The following RSF1 variants were observed in gnomAD, a reference collection of about 807,000 sequenced individuals.
RSF1 encodes the protein remodeling and spacing factor 1.
RSF1 carries 13 observed loss-of-function variants against 145.2 expected under a neutral mutation model. The observed-to-expected ratio is 0.09, with a 90% CI of 0.06 to 0.14. The LOEUF (loss-of-function observed/expected upper bound fraction) is 0.14. Among genes scored for constraint, RSF1 ranks in the 10% least tolerant of loss-of-function variants. The probability of loss-of-function intolerance (pLI) is 1.00; values close to 1 mark genes in which losing one functional copy is unlikely to be tolerated. For synonymous variants in RSF1, 577 were observed against 592.6 expected, an observed-to-expected ratio of 0.97 and a Z score of 0.38; for missense variants, 1,517 against 1,718.2, an observed-to-expected ratio of 0.88 and a Z score of 2.07.
At chr11:77,766,604 G>A (rs1462255658) in intron 1 of RSF1, among the ~76,000 whole-genome samples, 1 of 152,082 alleles carries the variant, frequency 6.6e-6, no homozygotes, top group East Asian at 1.9e-4. Flanking sequence ...GAGAAAAGGA[G>A]GGAAAGGGCA....
At chr11:77,766,430 T>G (rs762880102) in intron 1 of RSF1, among the ~76,000 whole-genome samples, 24 of 152,194 alleles carry the variant, frequency 1.6e-4, no homozygotes, top group Non-Finnish European at 3.4e-4. Context: ...GGTCAAATAC[T>G]AGTAAGAAAG....
chr11:77,692,686 T>G (rs797009156), intron 8 of RSF1, among the ~76,000 whole-genome samples: 24,880 of 150,170 alleles, frequency 0.17, 2,514 homozygotes, highest in African/African-American at 0.26. Context: ...GCGGTGTTTT[T>G]TTTTTTTTTT....
At chr11:77,821,070 G>A (rs2136002804), upstream of RSF1, 1 of 480,134 alleles carries the variant, frequency 2.1e-6, no homozygotes, top group Non-Finnish European at 3.7e-6. Flanking sequence ...GACTTCTCGA[G>A]AACAATGGCC....
intron 1 of RSF1, among the ~76,000 whole-genome samples, chr11:77,812,551 T>A (rs1948741403): frequency 6.6e-6 from 1 of 152,128 alleles, no homozygotes; most frequent in Non-Finnish European, 1.5e-5. Flanking sequence ...TGAAGCCTGG[T>A]CTGTCTGCTG....
At chr11:77,756,369 A>AG (rs1408162641) in intron 2 of RSF1, among the ~76,000 whole-genome samples, 89 of 152,186 alleles carry the variant, frequency 5.8e-4, no homozygotes, top group African/African-American at 1.9e-3. Flanking sequence ...AAAAAAAAAA[A>AG]AAAAAAAGAA....
At chr11:77,746,171 C>G (rs888976161) in intron 3 of RSF1, among the ~76,000 whole-genome samples, 1 of 152,070 alleles carries the variant, frequency 6.6e-6, no homozygotes, top group East Asian at 1.9e-4. Flanking sequence ...CAAGGAATCA[C>G]AATTACCCCC....
chr11:77,824,512 A>T (rs1949078696), upstream of RSF1, among the ~76,000 whole-genome samples: 1 of 152,248 alleles, frequency 6.6e-6, no homozygotes, highest in South Asian at 2.1e-4. Flanking sequence ...ATATTCATCA[A>T]CAGAAAAATA....
intron 3 of RSF1, among the ~76,000 whole-genome samples, chr11:77,746,268 G>A (rs970493875): frequency 6.6e-6 from 1 of 152,082 alleles, no homozygotes; most frequent in Non-Finnish European, 1.5e-5. Context: ...TTGGTTTTCT[G>A]AGACAGGTAT....
chr11:77,807,500 G>A (rs1429516134), intron 1 of RSF1, among the ~76,000 whole-genome samples: 1 of 152,122 alleles, frequency 6.6e-6, no homozygotes, highest in African/African-American at 2.4e-5. Flanking sequence ...GACACAAGGA[G>A]GTTAAAAGGA....
At chr11:77,818,310 C>T (rs1948801255) in intron 1 of RSF1, among the ~76,000 whole-genome samples, 1 of 152,104 alleles carries the variant, frequency 6.6e-6, no homozygotes, top group African/African-American at 2.4e-5. Context: ...AAATACCACG[C>T]CATCCCAGAA....
At chr11:77,729,641 C>G (rs183254003) in intron 4 of RSF1, among the ~76,000 whole-genome samples, 2 of 151,220 alleles carry the variant, frequency 1.3e-5, no homozygotes, top group Non-Finnish European at 2.9e-5. Flanking sequence ...CAAGTATGAG[C>G]CAAGTATCTG....
rs77126870 is a variant in RSF1, at chr11:77,701,095, G to A, written c.2134C>T (p.Pro712Ser). ...QKSKFKYKLV[P>S]EEETTASENT... ...TCTGAGGCAGTGGTTTCTTCTTCAG[G>A]AACCAACTTATATTTGAATTTGCTT... Residue 712 changes from proline to serine, a missense_variant, in exon 6 of 16, where the codon CCT becomes TCT. By Grantham distance (74) the Pro-to-Ser change is moderately conservative. This residue lies in a region of RSF1 where 579 missense variants were observed against 553.5 expected (regional missense o/e 1.05). Transcript: ENST00000308488. 1.7e-3 allele frequency: 2,813 copies of A among 1,613,362 alleles called. 5 individuals are homozygous for A. The highest frequency in any genetic ancestry group is 2.1e-3 in the Admixed American group (127 of 59,848).
At chr11:77,774,066 C>A (rs1948315162) in intron 1 of RSF1, among the ~76,000 whole-genome samples, 1 of 152,174 alleles carries the variant, frequency 6.6e-6, no homozygotes. Context: ...CTTTAAGTCT[C>A]AATTCCTAAT....
chr11:77,848,619 C>T, the RSF1 span, among the ~76,000 whole-genome samples: 1 of 152,162 alleles, frequency 6.6e-6, no homozygotes, highest in Admixed American at 6.5e-5. Flanking sequence ...TTTGACCTCC[C>T]AAAGTGCTGG....
In RSF1 at chr11:77,663,101, T is replaced by C. The variant is rs1263222630; in HGVS notation, c.*3816A>G. On this transcript the variant is annotated 3_prime_UTR_variant, in exon 16 of 16. Coordinates refer to ENST00000308488, the MANE Select transcript of RSF1 (RefSeq NM_016578.4). ...GTTCTATAGCTGTGAGGCATCACCT[T>C]GAATAACGGGCCTGTTCCACTGTAC... 1 of 152,186 alleles carries C rather than the reference T, an allele frequency of 6.6e-6. No homozygotes were observed. The highest frequency in any genetic ancestry group is 1.5e-5 in the Non-Finnish European group (1 of 68,010). 9.4% of individuals were successfully genotyped at this position (152,186 alleles called of 1,614,324 possible).
At chr11:77,821,000 CAG>C (rs1407480909), upstream of RSF1, 6 of 480,394 alleles carry the variant, frequency 1.2e-5, no homozygotes, top group African/African-American at 2.0e-5. Flanking sequence ...CCTCGTGTGA[CAG>C]GGGGAATGAA....
the RSF1 span, among the ~76,000 whole-genome samples, chr11:77,851,908 G>A: frequency 4.6e-5 from 7 of 152,046 alleles, no homozygotes; most frequent in South Asian, 2.1e-4. Context: ...TCTTGAATTT[G>A]AATATTTTCA....
chr11:77,679,202 A>G (rs1409181574), intron 11 of RSF1, among the ~76,000 whole-genome samples: 3 of 152,062 alleles, frequency 2.0e-5, no homozygotes, highest in Non-Finnish European at 4.4e-5. Context: ...ACAGGATATC[A>G]TTTTTCTTTT....
intron 1 of RSF1, among the ~76,000 whole-genome samples, chr11:77,775,236 G>A (rs1314667801): frequency 3.3e-5 from 5 of 149,558 alleles, no homozygotes; most frequent in East Asian, 2.0e-4. Context: ...GGACAACAGC[G>A]AGACTCCATC....
Sources: gnomAD v4.1 joint callset for allele counts (sites outside exome capture counted in the v4.1 genomes callset) on GRCh38, gnomAD v4.1.1 for gene constraint, gnomAD v4.1.1 regional missense constraint, MANE v1.5 for transcripts, NCBI Gene and HGNC (gene_info 2026-07-23, HGNC 2026-07-21) for gene names.